Variants in TEX15 observed in about 807,000 individuals in gnomAD.
TEX15 encodes the protein testis expressed 15, meiosis and synapsis associated, also known as testis-expressed protein 15.
Under a neutral mutation model 237.3 loss-of-function variants are expected in TEX15, and 171 were observed. The observed-to-expected ratio is 0.72, with a 90% CI of 0.64 to 0.82. TEX15 has a LOEUF of 0.82. Among genes scored for constraint, TEX15 ranks in the 40% least tolerant of loss-of-function variants. The pLI, the probability that TEX15 is intolerant of heterozygous loss-of-function variation, is 0.00. For synonymous variants in TEX15, 1,338 were observed against 1,269.8 expected, an observed-to-expected ratio of 1.05 and a Z score of -1.14; for missense variants, 3,750 against 3,646.5, an observed-to-expected ratio of 1.03 and a Z score of -0.73.
chr8:30,888,774 A>ATGTC (rs1284329190), intron 2 of TEX15: 1 of 655,340 alleles, frequency 1.5e-6, no homozygotes, highest in Non-Finnish European at 2.4e-6. Flanking sequence ...GTTCACAAGG[A>ATGTC]TGTCCCTCTT....
chr8:30,858,693 G>C lies in TEX15; in HGVS notation c.825C>G (p.Leu275=). ...CAGCTCTCTTAGGAAATCCTGTTGA[G>C]AGGAATCTCAAAGATGTCATAAGGC... ...NGRLMTSLRF[L]STGFPKRAER... The change falls in exon 7 of 11, where the codon CTC becomes CTG. Residue 275 remains leucine, a synonymous_variant. Transcript: ENST00000643185. 3 of 1,535,084 alleles carry C rather than the reference G, an allele frequency of 2.0e-6. No individual in the cohort carries two copies. The highest frequency in any genetic ancestry group is 1.2e-5 in the South Asian group (1 of 83,794).
chr8:30,861,373 C>T (rs1808047894), intron 5 of TEX15, among the ~76,000 whole-genome samples: 2 of 151,972 alleles, frequency 1.3e-5, no homozygotes, highest in South Asian at 4.2e-4. Context: ...AAATTTCTGC[C>T]CATAAACAAC....
At chr8:30,867,604 A>T in intron 4 of TEX15, 102 bp from the exon 5 acceptor site, 8 of 685,088 alleles carry the variant, frequency 1.2e-5, no homozygotes, top group South Asian at 1.1e-4. Flanking sequence ...CAAGAGAAGT[A>T]GCGATATTCA....
In TEX15 at chr8:30,846,480, T is replaced by C. The variant is rs1807613496; in HGVS notation, c.3687A>G (p.Ser1229=). ...EDKVDNIRQE[S]GPVSNSEISL... ...AGATTTCAGAGTTACTCACTGGCCC[T>C]GATTCTTGCCTTATATTATCAACTT... is the stretch of plus-strand genomic sequence containing the variant. The change falls in exon 8 of 11, where the codon TCA becomes TCG. Residue 1229 remains serine, a synonymous_variant. Transcript: ENST00000643185. 6.2e-7 allele frequency: 1 copy of C among 1,613,440 alleles called. No individual in the cohort carries two copies. The highest frequency in any genetic ancestry group is 1.3e-5 in the African/African-American group (1 of 75,038).
At chr8:30,877,297 T>A (rs1808420797) in intron 3 of TEX15, among the ~76,000 whole-genome samples, 1 of 152,204 alleles carries the variant, frequency 6.6e-6, no homozygotes, top group Admixed American at 6.5e-5. Flanking sequence ...CTGTTGATTG[T>A]GAATTTTACC....
intron 7 of TEX15, among the ~76,000 whole-genome samples, chr8:30,852,447 A>T (rs1315886714): frequency 6.6e-6 from 1 of 152,186 alleles, no homozygotes; most frequent in East Asian, 1.9e-4. Flanking sequence ...AGTGAAATTA[A>T]GAACAATTTG....
At chr8:30,879,419 A>G (rs1011028055) in intron 3 of TEX15, among the ~76,000 whole-genome samples, 3 of 152,196 alleles carry the variant, frequency 2.0e-5, no homozygotes, top group African/African-American at 7.2e-5. Flanking sequence ...CACATTTTAC[A>G]TTTAAGCCCA....
chr8:30,886,562 T>G (rs926689306), intron 3 of TEX15, among the ~76,000 whole-genome samples: 5 of 151,760 alleles, frequency 3.3e-5, no homozygotes, highest in African/African-American at 1.2e-4. Flanking sequence ...TGTGTGATCC[T>G]ACGTGGATCA....
intron 6 of TEX15, among the ~76,000 whole-genome samples, chr8:30,859,549 A>G (rs1807994435): frequency 6.6e-6 from 1 of 152,144 alleles, no homozygotes; most frequent in Non-Finnish European, 1.5e-5. Context: ...ATCACTTTTT[A>G]TGGTGAGACA....
intron 3 of TEX15, among the ~76,000 whole-genome samples, chr8:30,877,557 GTAA>G (rs568488506): frequency 2.8e-3 from 421 of 151,938 alleles, no homozygotes; most frequent in Non-Finnish European, 4.9e-3. Context: ...TTTAGTATTT[GTAA>G]TAATTATTAC....
At chr8:30,861,004 TA>T (rs1808039210) in intron 5 of TEX15, among the ~76,000 whole-genome samples, 10 of 151,322 alleles carry the variant, frequency 6.6e-5, no homozygotes. Context: ...AAAACATTTT[TA>T]AAAAGGATGG....
chr8:30,907,123 T>A (rs190206375), intron 1 of TEX15, among the ~76,000 whole-genome samples: 8 of 152,272 alleles, frequency 5.3e-5, no homozygotes, highest in Admixed American at 4.6e-4. Flanking sequence ...CTGAAGAATT[T>A]GTTGTTGATT....
At position 30,846,806 on chromosome 8, in the gene TEX15, C is replaced by T. The variant is rs774572019; in HGVS notation, c.3361G>A (p.Gly1121Arg). 1 of 1,613,876 alleles carries T rather than the reference C, an allele frequency of 6.2e-7. No individual in the cohort carries two copies. The highest frequency in any genetic ancestry group is 2.2e-5 in the East Asian group (1 of 44,866). ...GEMEVLESTT[G>R]RENSDQHYSK... Reference sequence around the variant, plus strand: ...TAATGCTGATCACTATTCTCCCTTCCTGTGGTGCTTTCCAAAACTTCCATC... The same window carrying T: ...TAATGCTGATCACTATTCTCCCTTCTTGTGGTGCTTTCCAAAACTTCCATC... Residue 1121 changes from glycine (G) to arginine (R), a missense_variant, in exon 8 of 11, where the codon GGA becomes AGA. Coordinates refer to ENST00000643185, the MANE Select transcript of TEX15 (RefSeq NM_001350162.2).
Position 30,846,521 on chromosome 8 carries a change from A to G in TEX15, c.3646T>C (p.Tyr1216His). 1 of 1,613,718 alleles carries G rather than the reference A, an allele frequency of 6.2e-7. No homozygotes were observed. The change falls in exon 8 of 11, where the codon TAT becomes CAT. Residue 1216 changes from tyrosine (Y) to histidine (H), a missense_variant. By Grantham distance (83) the Tyr-to-His change is moderately conservative. Coordinates refer to ENST00000643185, the MANE Select transcript of TEX15 (RefSeq NM_001350162.2). ...TTATCAACTTTATCTTCACATGGATAATCTGCATTTTCACCAAAAGGCTGG... is the reference window on the plus strand; with the variant it reads ...TTATCAACTTTATCTTCACATGGATGATCTGCATTTTCACCAAAAGGCTGG... ...YSQPFGENADYPCEDKVDNIR... is the reference protein window; with the variant it reads ...YSQPFGENADHPCEDKVDNIR...
intron 2 of TEX15, among the ~76,000 whole-genome samples, chr8:30,889,955 A>ATATATATATATATATACG (rs1563273241): frequency 3.2e-4 from 35 of 108,682 alleles, no homozygotes; most frequent in African/African-American, 1.7e-3. Flanking sequence ...ATATATATAC[A>ATATATATATATATATACG]TATATATATA....
chr8:30,912,205 G>C (rs1449831551), intron 1 of TEX15, among the ~76,000 whole-genome samples: 1 of 152,180 alleles, frequency 6.6e-6, no homozygotes, highest in Non-Finnish European at 1.5e-5. Flanking sequence ...GGCATGGTCC[G>C]AGCGCGGGCT....
At position 30,845,702 on chromosome 8, in the gene TEX15, T is replaced by C. The variant is rs1219356071; in HGVS notation, c.4465A>G (p.Arg1489Gly). The change falls in exon 8 of 11, where the codon AGG becomes GGG. Residue 1489 changes from arginine (R) to glycine (G), a missense_variant. By Grantham distance (125) the Arg-to-Gly change is moderately radical (BLOSUM62 -2). Transcript: ENST00000643185. ...GAGACACTGCTAGCCATACTTTTCC[T>C]AGAAAGGCATTTTTTCTCTCCACTT... is the stretch of plus-strand genomic sequence containing the variant. Reference protein sequence around the residue: ...KTSGEKKCLSRKSMASSVSKS... With the variant: ...KTSGEKKCLSGKSMASSVSKS... 6.2e-7 allele frequency: 1 copy of C among 1,613,598 alleles called. No homozygotes were observed. Among genetic ancestry groups the C allele is most frequent in the Non-Finnish European group, 8.5e-7 (1 of 1,179,596 alleles).
intron 4 of TEX15, among the ~76,000 whole-genome samples, chr8:30,871,803 G>A (rs1369981861): frequency 6.6e-6 from 1 of 152,074 alleles, no homozygotes; most frequent in Non-Finnish European, 1.5e-5. Flanking sequence ...TGGATGAAAT[G>A]CCTTCATTTC....
chr8:30,834,680 A>G (rs1473459297), intron 10 of TEX15, among the ~76,000 whole-genome samples: 1 of 152,204 alleles, frequency 6.6e-6, no homozygotes, highest in African/African-American at 2.4e-5. Context: ...ACGGGAGAAC[A>G]TTAAGTTGTT....
Sources: allele counts gnomAD v4.1 joint callset (sites outside exome capture counted in the v4.1 genomes callset), GRCh38; gene constraint gnomAD v4.1.1; transcripts MANE v1.5; gene names NCBI Gene and HGNC (gene_info 2026-07-23, HGNC 2026-07-21).